Variants in PANX1 observed in about 807,000 individuals in gnomAD.
PANX1 encodes the protein pannexin-1.
Under a neutral mutation model 38.7 loss-of-function variants are expected in PANX1, and 30 were observed. That is an observed-to-expected ratio of 0.78 (90% CI 0.58 to 1.05). PANX1 has a LOEUF of 1.05. PANX1 is among the 50% of genes least tolerant of loss of function. PANX1 has a pLI of 0.00. For missense variants in PANX1, 551 were observed against 517.2 expected, an observed-to-expected ratio of 1.07 and a Z score of -0.63; for synonymous variants, 230 against 212.2, an observed-to-expected ratio of 1.08 and a Z score of -0.73.
intron 1 of PANX1, among the ~76,000 whole-genome samples, chr11:94,136,709 A>G (rs1052245003): frequency 3.9e-5 from 6 of 152,086 alleles, no homozygotes; most frequent in Admixed American, 3.3e-4. Flanking sequence ...CGGAGCTTGC[A>G]GTGAGCCGAG....
intron 2 of PANX1, among the ~76,000 whole-genome samples, chr11:94,159,292 T>G (rs1215971437): frequency 6.6e-6 from 1 of 152,158 alleles, no homozygotes; most frequent in East Asian, 1.9e-4. Flanking sequence ...GGATTCCCTC[T>G]TTTTCTATTG....
chr11:94,179,589 C>T lies in PANX1; in HGVS notation c.546-13C>T, dbSNP rs376857357. ...TGAGTGCCTAAGTTATTTTTGTTTC[C>T]TTTATTTTTTAGTTTGTGGGAGGTA... is the stretch of plus-strand genomic sequence containing the variant. On this transcript the variant is annotated splice_polypyrimidine_tract_variant and intron_variant, in intron 3 of 4. Transcript: ENST00000227638. 350 of 1,604,984 alleles carry T rather than the reference C, an allele frequency of 2.2e-4. No homozygotes were observed. Among genetic ancestry groups the T allele is most frequent in the Non-Finnish European group, 2.9e-4 (344 of 1,173,184 alleles).
chr11:94,169,064 T>G (rs1947134617), intron 2 of PANX1, among the ~76,000 whole-genome samples: 1 of 151,584 alleles, frequency 6.6e-6, no homozygotes, highest in South Asian at 2.1e-4. Context: ...AGATGATGTG[T>G]CAGGTGGGCA....
chr11:94,151,894 G>C (rs1946886235), intron 1 of PANX1, among the ~76,000 whole-genome samples: 1 of 152,196 alleles, frequency 6.6e-6, no homozygotes, highest in African/African-American at 2.4e-5. Context: ...CTTGATGGCT[G>C]TGGGTGCACA....
chr11:94,153,577 C>G lies in PANX1; in HGVS notation c.268C>G (p.Gln90Glu), dbSNP rs1203720452. 7.4e-6 allele frequency: 12 copies of G among 1,614,070 alleles called. No individual in the cohort carries two copies. Among genetic ancestry groups the G allele is most frequent in the Non-Finnish European group, 8.5e-6 (10 of 1,179,960 alleles). The change falls in exon 2 of 5, where the codon CAG becomes GAG. Residue 90 changes from glutamine (Q) to glutamate (E), a missense_variant. Coordinates refer to ENST00000227638, the MANE Select transcript of PANX1 (RefSeq NM_015368.4). ...TTCATATTGCTGGGCGGCTGTTCAG[C>G]AGAAGAACTCACTGCAGAGCGAGTC... ...VDSYCWAAVQ[Q>E]KNSLQSESGN...
At chr11:94,137,615 G>T (rs535100921) in intron 1 of PANX1, among the ~76,000 whole-genome samples, 1 of 148,292 alleles carries the variant, frequency 6.7e-6, no homozygotes, top group Admixed American at 6.8e-5. Flanking sequence ...GGAGAAGGGG[G>T]CCTAAAGAGA....
At chr11:94,154,917 A>C (rs189005861) in intron 2 of PANX1, among the ~76,000 whole-genome samples, 2 of 152,370 alleles carry the variant, frequency 1.3e-5, no homozygotes, top group East Asian at 3.9e-4. Context: ...TTTACTATTC[A>C]GTTTGTGCAA....
chr11:94,167,364 A>G (rs913794186), intron 2 of PANX1, among the ~76,000 whole-genome samples: 6 of 152,150 alleles, frequency 3.9e-5, no homozygotes, highest in Non-Finnish European at 7.4e-5. Flanking sequence ...GCTTTCTTGC[A>G]TGGATACTTT....
intron 4 of PANX1, among the ~76,000 whole-genome samples, chr11:94,180,468 G>A: frequency 6.6e-6 from 1 of 152,188 alleles, no homozygotes; most frequent in East Asian, 1.9e-4. Context: ...CATTTCCAAA[G>A]AAGAATAACT....
chr11:94,158,082 T>A (rs1946976893), intron 2 of PANX1, among the ~76,000 whole-genome samples: 1 of 152,222 alleles, frequency 6.6e-6, no homozygotes, highest in South Asian at 2.1e-4. Context: ...CTGAGGGCTC[T>A]GTTCTGTTCC....
At chr11:94,133,041 C>T (rs1357270617) in intron 1 of PANX1, among the ~76,000 whole-genome samples, 1 of 152,226 alleles carries the variant, frequency 6.6e-6, no homozygotes, top group African/African-American at 2.4e-5. Context: ...GTTCAGCCCA[C>T]TGGGCTCCTC....
At chr11:94,145,793 A>G (rs1946822562) in intron 1 of PANX1, among the ~76,000 whole-genome samples, 1 of 152,248 alleles carries the variant, frequency 6.6e-6, no homozygotes, top group Non-Finnish European at 1.5e-5. Flanking sequence ...GTAAATGAAT[A>G]ACTATAGATA....
intron 3 of PANX1, 71 bp from the exon 4 acceptor site, chr11:94,179,531 T>G (rs955935473): frequency 1.8e-6 from 2 of 1,093,106 alleles, no homozygotes; most frequent in African/African-American, 3.1e-5. Flanking sequence ...CATTGTTGAA[T>G]GTGTATCTGC....
intron 1 of PANX1, among the ~76,000 whole-genome samples, chr11:94,136,712 G>A (rs867470441): frequency 6.6e-6 from 1 of 152,060 alleles, no homozygotes; most frequent in African/African-American, 2.4e-5. Context: ...AGCTTGCAGT[G>A]AGCCGAGATC....
At chr11:94,147,621 G>C (rs1217281326) in intron 1 of PANX1, among the ~76,000 whole-genome samples, 1 of 152,176 alleles carries the variant, frequency 6.6e-6, no homozygotes, top group Non-Finnish European at 1.5e-5. Context: ...CACTTAGCGG[G>C]CTGCGTTGTT....
chr11:94,130,416 C>T (rs1448431077), intron 1 of PANX1, among the ~76,000 whole-genome samples: 1 of 152,164 alleles, frequency 6.6e-6, no homozygotes, highest in Admixed American at 6.5e-5. Context: ...ACTCTCCTAG[C>T]CAAGGCAGGA....
rs201108551 is a variant in PANX1, at chr11:94,178,435, G to T, written c.388G>T (p.Ala130Ser). ...CCTGCCCCCGCTGTTCTGGCGTTTC[G>T]CAGCTGCTCCTCATATTTGCTCAGA... ...LYLPPLFWRF[A>S]AAPHICSDLK... The change falls in exon 3 of 5, where the codon GCA becomes TCA. Residue 130 changes from alanine (A) to serine (S), a missense_variant. Physicochemically the swap from Ala to Ser is moderately conservative, Grantham distance 99 (BLOSUM62 1). Coordinates refer to ENST00000227638, the MANE Select transcript of PANX1 (RefSeq NM_015368.4). 1.9e-5 allele frequency: 30 copies of T among 1,613,844 alleles called. 1 individual carries two copies. Among genetic ancestry groups the T allele is most frequent in the Admixed American group, 1.7e-4 (10 of 59,972 alleles).
At chr11:94,135,223 G>A (rs554381575) in intron 1 of PANX1, among the ~76,000 whole-genome samples, 11 of 152,330 alleles carry the variant, frequency 7.2e-5, no homozygotes, top group Admixed American at 5.2e-4. Flanking sequence ...ACCTCTTAGT[G>A]GGCAGCCACC....
At chr11:94,150,709 C>G (rs1384215955) in intron 1 of PANX1, among the ~76,000 whole-genome samples, 4 of 152,134 alleles carry the variant, frequency 2.6e-5, no homozygotes, top group African/African-American at 9.7e-5. Context: ...GTTGCCTGCC[C>G]CTCCCTGCCT....
Sources: gnomAD v4.1 joint callset for allele counts (sites outside exome capture counted in the v4.1 genomes callset) on GRCh38, gnomAD v4.1.1 for gene constraint, MANE v1.5 for transcripts, NCBI Gene and HGNC (gene_info 2026-07-23, HGNC 2026-07-21) for gene names.